The following EIF4G2 variants were observed in gnomAD, a reference collection of about 807,000 sequenced individuals.
The protein encoded by EIF4G2 is eukaryotic translation initiation factor 4 gamma 2, also known as DAP-5.
In EIF4G2, 8 loss-of-function variants were observed where a neutral mutation model predicts 117.7. The observed-to-expected ratio is 0.07, with a 90% CI of 0.04 to 0.12. The LOEUF is 0.12. Ranked by LOEUF, EIF4G2 falls within the 10% of genes least tolerant of loss-of-function variation. The probability of loss-of-function intolerance (pLI) is 1.00; values close to 1 mark genes in which losing one functional copy is unlikely to be tolerated. For synonymous variants in EIF4G2, 413 were observed against 367.8 expected (o/e 1.12, Z -1.41); for missense variants, 812 against 1,086.2 (o/e 0.75, Z 3.55).
chr11:10,804,881 CCTTTT>C, intron 5 of EIF4G2, 27 bp downstream of exon 5: 1 of 1,552,808 alleles, frequency 6.4e-7, no homozygotes. Context: ...GTTCCCTCTC[CCTTTT>C]GAGTTAAGCC....
At chr11:10,802,233 T>A (rs1317611811) in intron 12 of EIF4G2, 24 bp from the exon 13 acceptor site, 1 of 1,611,918 alleles carries the variant, frequency 6.2e-7, no homozygotes, top group South Asian at 1.1e-5. Context: ...TACGGACAAC[T>A]CTCAAAACTA....
In EIF4G2 at chr11:10,807,246, T is replaced by A. The variant is rs776786206; in HGVS notation, c.41+9A>T. 1 of 1,606,164 alleles carries A rather than the reference T, an allele frequency of 6.2e-7. No homozygotes were observed. Among genetic ancestry groups the A allele is most frequent in the South Asian group, 1.1e-5 (1 of 89,638 alleles). ...TCAAAAGGATTCCCCAAAATAAATC[T>A]ACAAGTACCTGAAACGAGAAGCACC... On this transcript the variant is annotated intron_variant, in intron 2 of 21. Coordinates refer to ENST00000339995, the MANE Select transcript of EIF4G2 (RefSeq NM_001418.4).
chr11:10,808,864 CGCT>C lies in EIF4G2; in HGVS notation c.-249_-247del, dbSNP rs1200085438. On this transcript the variant is annotated 5_prime_UTR_variant, in exon 1 of 22. Transcript: ENST00000339995. Reference sequence around the variant, plus strand: ...GGCCTCAAACTCAGCTCAGAGGAGTCGCTGCTGCAGCCGCCACTCGGTACCCGC... The same window carrying C: ...GGCCTCAAACTCAGCTCAGAGGAGTCGCTGCAGCCGCCACTCGGTACCCGC... The C allele has an allele frequency of 3.8e-5, 6 of 158,906 alleles. No individual in the cohort carries two copies. Among genetic ancestry groups the C allele is most frequent in the African/African-American group, 1.4e-4 (6 of 41,456 alleles). 9.8% of individuals were successfully genotyped at this position (158,906 alleles called of 1,614,324 possible). A position where few individuals can be genotyped will look rare whatever the true frequency, so the allele number is the denominator to read the frequency against.
chr11:10,801,050 T>C lies in EIF4G2; in HGVS notation c.1451A>G (p.Lys484Arg). 1 of 1,614,176 alleles carries C rather than the reference T, an allele frequency of 6.2e-7. No individual in the cohort carries two copies. The highest frequency in any genetic ancestry group is 8.5e-7 in the Non-Finnish European group (1 of 1,180,012). The stretch of plus-strand genomic sequence containing the variant: ...GGGCTGAAGCTTTGGCACTTGATTT[T>C]TATTCATTAGGAACGACTGAGCAGG... The change falls in exon 15 of 22, where the codon AAA (lysine) becomes AGA (arginine). Residue 484 changes from lysine to arginine, a missense_variant. This residue lies in a region of EIF4G2 where 571 missense variants were observed against 642.3 expected (regional missense o/e 0.89). Coordinates refer to ENST00000339995, the MANE Select transcript of EIF4G2 (RefSeq NM_001418.4).
In EIF4G2 at chr11:10,801,009, G is replaced by T; in HGVS notation, c.1492C>A (p.Pro498Thr). The T allele has an allele frequency of 6.2e-6, 10 of 1,614,152 alleles. No individual in the cohort carries two copies. The highest frequency in any genetic ancestry group is 8.5e-6 in the Non-Finnish European group (10 of 1,180,006). Residue 498 changes from proline to threonine, a missense_variant, in exon 15 of 22, where the codon CCT becomes ACT. This residue lies in a region of EIF4G2 where 571 missense variants were observed against 642.3 expected (regional missense o/e 0.89). Coordinates refer to ENST00000339995, the MANE Select transcript of EIF4G2 (RefSeq NM_001418.4). ...GTGCGTGGTGGTTGTGCACTAGGAG[G>T]AATCATAGTTATCTGGGGCTGAAGC...
rs142749673 is a variant in EIF4G2, at chr11:10,800,442, T to G, written c.1850A>C (p.Asn617Thr). 12 of 1,614,076 alleles carry G rather than the reference T, an allele frequency of 7.4e-6. No homozygotes were observed. The highest frequency in any genetic ancestry group is 1.3e-5 in the African/African-American group (1 of 74,940). Residue 617 changes from asparagine to threonine, a missense_variant, in exon 17 of 22, where the codon AAC becomes ACC. This residue lies in a region of EIF4G2 where 571 missense variants were observed against 642.3 expected (regional missense o/e 0.89). Coordinates refer to ENST00000339995, the MANE Select transcript of EIF4G2 (RefSeq NM_001418.4). ...AGTAAAGTGTCCTACCTGCATGAAG[T>G]TGTCACTTGTGGCTATCCCTTCCTG...
chr11:10,802,997 C>CT (rs1489092722), intron 11 of EIF4G2, 33 bp downstream of exon 11: 2 of 1,591,558 alleles, frequency 1.3e-6, no homozygotes, highest in African/African-American at 2.7e-5. Flanking sequence ...CACACAGAGT[C>CT]TATGTGACAA....
rs1406186655 is a variant in EIF4G2, at chr11:10,807,242, A to T, written c.41+13T>A. ...CTTTTCAAAAGGATTCCCCAAAATA[A>T]ATCTACAAGTACCTGAAACGAGAAG... is the stretch of plus-strand genomic sequence containing the variant. On this transcript the variant is annotated intron_variant, in intron 2 of 21. Coordinates refer to ENST00000339995, the MANE Select transcript of EIF4G2 (RefSeq NM_001418.4). 4 of 1,604,340 alleles carry T rather than the reference A, an allele frequency of 2.5e-6. No homozygotes were observed. Among genetic ancestry groups the T allele is most frequent in the Admixed American group, 1.8e-5 (1 of 57,012 alleles).
At position 10,808,877 on chromosome 11, in the gene EIF4G2, G is replaced by T. The variant is rs1259997203; in HGVS notation, c.-259C>A. ...GCTCAGAGGAGTCGCTGCTGCAGCCGCCACTCGGTACCCGCTGCCACCTCC... is the reference window on the plus strand; with the variant it reads ...GCTCAGAGGAGTCGCTGCTGCAGCCTCCACTCGGTACCCGCTGCCACCTCC... On this transcript the variant is annotated 5_prime_UTR_variant, in exon 1 of 22. Transcript: ENST00000339995. 1 of 157,314 alleles carries T rather than the reference G, an allele frequency of 6.4e-6. No homozygotes were observed. Among genetic ancestry groups the T allele is most frequent in the African/African-American group, 2.4e-5 (1 of 41,458 alleles). 9.7% of individuals were successfully genotyped at this position (157,314 alleles called of 1,614,324 possible).
chr11:10,806,752 A>G, intron 3 of EIF4G2, 68 bp downstream of exon 3: 8 of 1,557,782 alleles, frequency 5.1e-6, no homozygotes, highest in Middle Eastern at 1.7e-4. Flanking sequence ...CCTTAATTAT[A>G]CCGTCACATG....
chr11:10,801,498 G>T, intron 14 of EIF4G2, 163 bp downstream of exon 14: 1 of 798,314 alleles, frequency 1.3e-6, no homozygotes. Context: ...TTCGCTCACA[G>T]GACGCTGGAC....
chr11:10,800,671 A>C (rs1474084822), intron 16 of EIF4G2, 24 bp from the exon 17 acceptor site: 1 of 1,613,764 alleles, frequency 6.2e-7, no homozygotes, highest in Non-Finnish European at 8.5e-7. Flanking sequence ...AAGTATCTTT[A>C]ATGTATTCTC....
In EIF4G2 at chr11:10,801,762, G is replaced by A; in HGVS notation, c.1312C>T (p.Leu438Phe). The A allele has an allele frequency of 6.2e-7, 1 of 1,614,084 alleles. No homozygotes were observed. The highest frequency in any genetic ancestry group is 8.5e-7 in the Non-Finnish European group (1 of 1,180,004). The stretch of plus-strand genomic sequence containing the variant: ...AGTCCCTGACTCTGGTTATGGTAGA[G>A]CTGGCTTAGCCCCTATTTCAGAAAA... Residue 438 changes from leucine (L) to phenylalanine (F), a missense_variant, in exon 14 of 22, where the codon CTC becomes TTC. This residue lies in a region of EIF4G2 where 571 missense variants were observed against 642.3 expected (regional missense o/e 0.89). Transcript: ENST00000339995.
At chr11:10,807,009 A>G (rs912028927) in intron 2 of EIF4G2, 124 bp from the exon 3 acceptor site, 2 of 1,240,366 alleles carry the variant, frequency 1.6e-6, no homozygotes, top group African/African-American at 1.5e-5. Context: ...CCCAGACTGG[A>G]GCCAGGCCTG....
In EIF4G2 at chr11:10,797,367, A is replaced by T. The variant is rs1447695405; in HGVS notation, c.*449T>A. The T allele has an allele frequency of 6.2e-6, 1 of 160,418 alleles. No individual in the cohort carries two copies. The highest frequency in any genetic ancestry group is 1.4e-5 in the Non-Finnish European group (1 of 72,956). 9.9% of individuals were successfully genotyped at this position (160,418 alleles called of 1,614,324 possible). On this transcript the variant is annotated 3_prime_UTR_variant, in exon 22 of 22. Transcript: ENST00000339995. This position sits in a 1 kb window ranked among gnomAD's most constrained non-coding sequence, Gnocchi z 4.5. ...ACAGGCAATATACTATTACGGCAAC[A>T]ACCATCAATTACAGTTAAGAATTTT... is the stretch of plus-strand genomic sequence containing the variant.
Position 10,801,812 on chromosome 11 carries a change from G to A in EIF4G2, c.1300-38C>T, listed in dbSNP as rs769644990. ...AGGAGAAAGAAAGTCTAGATAAAAAGGGGTCCACAAATTATGGTAATCAAG... is the reference window on the plus strand; with the variant it reads ...AGGAGAAAGAAAGTCTAGATAAAAAAGGGTCCACAAATTATGGTAATCAAG... On this transcript the variant is annotated intron_variant, in intron 13 of 21. Transcript: ENST00000339995. 2.5e-6 allele frequency: 4 copies of A among 1,583,208 alleles called. No homozygotes were observed. In the South Asian group the frequency reaches 4.5e-5, roughly 18 times the overall value.
chr11:10,805,433 GTGC>G (rs1290964491), intron 4 of EIF4G2, among the ~76,000 whole-genome samples: 3 of 151,206 alleles, frequency 2.0e-5, no homozygotes, highest in African/African-American at 7.3e-5. Flanking sequence ...AAAATATGAC[GTGC>G]TGTTCTTCAG....
rs780916829 is a variant in EIF4G2, at chr11:10,807,235, C to CA, written c.41+19dup. The stretch of plus-strand genomic sequence containing the variant: ...GACTGGCCTTTTCAAAAGGATTCCC[C>CA]AAAATAAATCTACAAGTACCTGAAA... On this transcript the variant is annotated intron_variant, in intron 2 of 21. Coordinates refer to ENST00000339995, the MANE Select transcript of EIF4G2 (RefSeq NM_001418.4). The CA allele has an allele frequency of 6.2e-7, 1 of 1,600,308 alleles. No homozygotes were observed. The highest frequency in any genetic ancestry group is 8.5e-7 in the Non-Finnish European group (1 of 1,174,896).
At position 10,807,333 on chromosome 11, in the gene EIF4G2, A is replaced by T. The variant is rs764747271; in HGVS notation, c.-38T>A. Reference sequence around the variant, plus strand: ...ACAACGAAGAATCTTCAAAAGAATAATATTAATAGATGGGGTGGGGAGGGG... The same window carrying T: ...ACAACGAAGAATCTTCAAAAGAATATTATTAATAGATGGGGTGGGGAGGGG... On this transcript the variant is annotated 5_prime_UTR_variant, in exon 2 of 22. Transcript: ENST00000339995. The T allele has an allele frequency of 6.2e-7, 1 of 1,610,016 alleles. No homozygotes were observed. Among genetic ancestry groups the T allele is most frequent in the South Asian group, 1.1e-5 (1 of 90,986 alleles).
Sources: gnomAD v4.1 joint callset for allele counts (sites outside exome capture counted in the v4.1 genomes callset) on GRCh38, gnomAD v4.1.1 for gene constraint, gnomAD v4.1.1 regional missense constraint, Gnocchi (gnomAD v3.1) non-coding constraint, MANE v1.5 for transcripts, NCBI Gene and HGNC (gene_info 2026-07-23, HGNC 2026-07-21) for gene names.